MGAT5: variants seen among roughly 807,000 people sequenced by gnomAD.
The protein encoded by MGAT5 is alpha-1,6-mannosylglycoprotein 6-beta-N-acetylglucosaminyltransferase A.
In MGAT5, 30 loss-of-function variants were observed where a neutral mutation model predicts 94.3. The ratio of observed to expected loss-of-function variants is 0.32; its 90% CI spans 0.24 to 0.43. MGAT5 has a LOEUF of 0.43. Among genes scored for constraint, MGAT5 ranks in the 20% least tolerant of loss-of-function variants. The pLI, the probability that MGAT5 is intolerant of heterozygous loss-of-function variation, is 1.00. For synonymous variants in MGAT5, 310 were observed against 322.9 expected, an observed-to-expected ratio of 0.96 and a Z score of 0.43; for missense variants, 691 against 905.5, an observed-to-expected ratio of 0.76 and a Z score of 3.04.
chr2:134,135,690 CAAAAAAAAAAAA>C (rs59026836), intron 1 of MGAT5, among the ~76,000 whole-genome samples: 10 of 41,706 alleles, frequency 2.4e-4, no homozygotes, highest in Non-Finnish European at 4.3e-4. Context: ...GACTCCATCT[CAAAAAAAAAAAA>C]AAAAAAAAAA....
At chr2:134,422,955 A>G (rs2289466) in intron 13 of MGAT5, 36 bp downstream of exon 13, 53,518 of 1,481,120 alleles carry the variant, frequency 0.036, 1,390 homozygotes, top group East Asian at 0.13. Flanking sequence ...CTCCTTTCTA[A>G]TGTGACCTGA....
intron 15 of MGAT5, 77 bp from the exon 16 acceptor site, chr2:134,448,572 G>A: frequency 1.5e-6 from 2 of 1,360,482 alleles, no homozygotes; most frequent in Non-Finnish European, 2.1e-6. Context: ...CCTCAAGATG[G>A]GGGCTCACAG....
At chr2:134,192,760 C>G (rs536897897) in intron 1 of MGAT5, among the ~76,000 whole-genome samples, 1 of 151,796 alleles carries the variant, frequency 6.6e-6, no homozygotes, top group Admixed American at 6.5e-5. Flanking sequence ...GTAAAACATG[C>G]AATTACTACT....
chr2:134,418,052 G>C (rs1684077996), intron 12 of MGAT5, among the ~76,000 whole-genome samples: 1 of 151,792 alleles, frequency 6.6e-6, no homozygotes, highest in Non-Finnish European at 1.5e-5. Context: ...GACTCTAAAG[G>C]TTTTAATGAC....
intron 1 of MGAT5, chr2:134,120,375 G>C (rs1812665): frequency 0.22 from 84,158 of 374,298 alleles, 10,589 homozygotes; most frequent in African/African-American, 0.35. Flanking sequence ...GACCGCGGGG[G>C]GCACGGGGAA....
intron 1 of MGAT5, among the ~76,000 whole-genome samples, chr2:134,244,302 TTTG>T (rs1682120147): frequency 6.7e-6 from 1 of 148,958 alleles, no homozygotes; most frequent in Non-Finnish European, 1.5e-5. Context: ...CCTAGCGTTT[TTTG>T]TTTTTTTTTT....
chr2:134,160,975 C>T (rs1662221946), intron 1 of MGAT5, among the ~76,000 whole-genome samples: 1 of 152,194 alleles, frequency 6.6e-6, no homozygotes, highest in South Asian at 2.1e-4. Context: ...TCTAAGCAGA[C>T]TTAATAGTTT....
At chr2:134,167,024 A>G (rs749471495) in intron 1 of MGAT5, among the ~76,000 whole-genome samples, 1 of 152,252 alleles carries the variant, frequency 6.6e-6, no homozygotes, top group Non-Finnish European at 1.5e-5. Flanking sequence ...ACATATGGTA[A>G]GATGGGTCTC....
intron 1 of MGAT5, among the ~76,000 whole-genome samples, chr2:134,179,286 T>C (rs1408778919): frequency 1.3e-5 from 2 of 152,166 alleles, no homozygotes; most frequent in Non-Finnish European, 2.9e-5. Context: ...CTGCGATGTA[T>C]CTTAGGGAGA....
At chr2:134,379,545 G>A (rs934565425) in intron 10 of MGAT5, among the ~76,000 whole-genome samples, 1 of 152,112 alleles carries the variant, frequency 6.6e-6, no homozygotes, top group Non-Finnish European at 1.5e-5. Flanking sequence ...GAGGCAGCCC[G>A]CCAGCACCTG....
intron 1 of MGAT5, among the ~76,000 whole-genome samples, chr2:134,166,276 G>A (rs1687960672): frequency 6.6e-6 from 1 of 152,254 alleles, no homozygotes; most frequent in Non-Finnish European, 1.5e-5. Context: ...GAACTATAGT[G>A]TGATAAATCA....
rs559104521 is a variant in MGAT5, at chr2:134,311,081, C to A, written c.407-6448C>A. On this transcript the variant is annotated intron_variant, in intron 2 of 15. Coordinates refer to ENST00000281923, the MANE Select transcript of MGAT5 (RefSeq NM_002410.5). Reference sequence around the variant, plus strand: ...AACTTTATCTTTTGAGAGAAAATATCTTTAGAGTGTCATTGCCCTGAATGG... The same window carrying A: ...AACTTTATCTTTTGAGAGAAAATATATTTAGAGTGTCATTGCCCTGAATGG... 4.8e-4 allele frequency among the ~76,000 whole-genome samples: 73 copies of A among 152,318 alleles called. 1 individual carries two copies. Among genetic ancestry groups the A allele is most frequent in the Non-Finnish European group, 9.4e-4 (64 of 68,024 alleles).
intron 4 of MGAT5, among the ~76,000 whole-genome samples, chr2:134,322,157 A>G (rs1232382693): frequency 6.6e-6 from 1 of 152,148 alleles, no homozygotes; most frequent in Non-Finnish European, 1.5e-5. Flanking sequence ...AAGACACTCA[A>G]TAAGCATAAC....
At chr2:134,208,967 G>A (rs1009408469) in intron 1 of MGAT5, among the ~76,000 whole-genome samples, 4 of 152,156 alleles carry the variant, frequency 2.6e-5, no homozygotes, top group African/African-American at 9.7e-5. Flanking sequence ...TGTTCTGGGA[G>A]CAGGGTTTCC....
intron 4 of MGAT5, among the ~76,000 whole-genome samples, chr2:134,328,549 G>T (rs1050494076): frequency 2.0e-5 from 3 of 152,076 alleles, no homozygotes; most frequent in Non-Finnish European, 4.4e-5. Context: ...CGCGTAAGTG[G>T]AAAAGAGTAT....
At chr2:134,243,566 G>C (rs1323172654) in intron 1 of MGAT5, among the ~76,000 whole-genome samples, 1 of 152,280 alleles carries the variant, frequency 6.6e-6, no homozygotes, top group African/African-American at 2.4e-5. Flanking sequence ...TTATGACTCT[G>C]GGTCTGTTAA....
chr2:134,427,437 C>T (rs1171034155), intron 13 of MGAT5, among the ~76,000 whole-genome samples: 1 of 152,162 alleles, frequency 6.6e-6, no homozygotes, highest in Non-Finnish European at 1.5e-5. Flanking sequence ...CAAGGTGTCA[C>T]AATATTGATA....
chr2:134,416,473 A>ATTTTTTTTTTTTTTTTT (rs1683974525), intron 12 of MGAT5, among the ~76,000 whole-genome samples: 1 of 124,584 alleles, frequency 8.0e-6, no homozygotes, highest in East Asian at 3.1e-4. Context: ...CTCATTCCTT[A>ATTTTTTTTTTTTTTTTT]CTTTTTTTTT....
Position 134,237,123 on chromosome 2 carries a change from A to ATGTGTGTGTGTGTGTG in MGAT5, c.-142-17128_-142-17113dup, listed in dbSNP as rs68003122. Among the ~76,000 whole-genome samples the ATGTGTGTGTGTGTGTG allele has an allele frequency of 2.2e-3, 305 of 140,708 alleles. 1 individual carries two copies. Among genetic ancestry groups the ATGTGTGTGTGTGTGTG allele is most frequent in the South Asian group, 3.5e-3 (16 of 4,520 alleles). 92.3% of individuals were successfully genotyped at this position (140,708 alleles called of 152,430 possible). Reference sequence around the variant, plus strand: ...TAGGTAGGTTATGTAGAAGGAGTATATGTGTGTGTGTGTGTGTGTGTGTGT... The same window carrying ATGTGTGTGTGTGTGTG: ...TAGGTAGGTTATGTAGAAGGAGTATATGTGTGTGTGTGTGTGTGTGTGTGTGTGTGTGTGTGTGTGT... On this transcript the variant is annotated intron_variant, in intron 1 of 16. Coordinates refer to the MGAT5 transcript ENST00000409645.
Sources: gnomAD v4.1 joint callset for allele counts (sites outside exome capture counted in the v4.1 genomes callset) on GRCh38, gnomAD v4.1.1 for gene constraint, MANE v1.5 for transcripts, NCBI Gene and HGNC (gene_info 2026-07-23, HGNC 2026-07-21) for gene names.